The following CCNI variants were observed in gnomAD, a reference collection of about 807,000 sequenced individuals.
CCNI encodes cyclin-I.
Under a neutral mutation model 34.1 loss-of-function variants are expected in CCNI, and 14 were observed. The observed-to-expected ratio is 0.41, with a 90% CI of 0.27 to 0.64. The LOEUF (loss-of-function observed/expected upper bound fraction) is 0.64. Ranked by LOEUF, CCNI falls within the 30% of genes least tolerant of loss-of-function variation. The pLI is 0.31. For synonymous variants in CCNI, 154 were observed against 158.4 expected (o/e 0.97, Z 0.21); for missense variants, 385 against 440.5 (o/e 0.87, Z 1.13).
At chr4:77,050,325 C>A (rs1157305563) in intron 6 of CCNI, among the ~76,000 whole-genome samples, 2 of 152,050 alleles carry the variant, frequency 1.3e-5, no homozygotes, top group African/African-American at 4.8e-5. Context: ...CCTCATATAA[C>A]CTGCAGCACT....
rs561548463 is a variant in CCNI, at chr4:77,048,997, T to G, written c.691-335A>C. Among the ~76,000 whole-genome samples the G allele has an allele frequency of 5.8e-4, 78 of 134,388 alleles. 1 individual carries two copies. The highest frequency in any genetic ancestry group is 2.4e-3 in the African/African-American group (78 of 32,502). 88.2% of individuals were successfully genotyped at this position (134,388 alleles called of 152,430 possible). A position where few individuals can be genotyped will look rare whatever the true frequency, so the allele number is the denominator to read the frequency against. ...TTTTTTTTTTTTTTTTTCAGTCTAT[T>G]CCCCCTGTCTGGAAGGCCCTTCATC... On this transcript the variant is annotated intron_variant, in intron 6 of 6. Coordinates refer to ENST00000237654, the MANE Select transcript of CCNI (RefSeq NM_006835.3).
At chr4:77,066,702 C>CT (rs966410599) in intron 1 of CCNI, among the ~76,000 whole-genome samples, 2 of 152,162 alleles carry the variant, frequency 1.3e-5, no homozygotes, top group African/African-American at 2.4e-5. Context: ...TTGTCACTGG[C>CT]TTTTTTACCA....
At position 77,051,613 on chromosome 4, in the gene CCNI, T is replaced by G. The variant is rs1055562773; in HGVS notation, c.691-2951A>C. On this transcript the variant is annotated intron_variant, in intron 6 of 6. Coordinates refer to ENST00000237654, the MANE Select transcript of CCNI (RefSeq NM_006835.3). ...ACATCAAAATAAATTCCTTCTAATCTAGTACAATCTGAATTTGTTCTATAA... is the reference window on the plus strand; with the variant it reads ...ACATCAAAATAAATTCCTTCTAATCGAGTACAATCTGAATTTGTTCTATAA... Among the ~76,000 whole-genome samples, 69 of 152,282 alleles carry G rather than the reference T, an allele frequency of 4.5e-4. 1 individual carries two copies. The highest frequency in any genetic ancestry group is 1.6e-4 in the Non-Finnish European group (11 of 68,018).
At chr4:77,068,815 C>G (rs1241160912) in intron 1 of CCNI, among the ~76,000 whole-genome samples, 2 of 150,042 alleles carry the variant, frequency 1.3e-5, no homozygotes, top group African/African-American at 5.1e-5. Flanking sequence ...ATCCCAACTC[C>G]AGCTACTATC....
chr4:77,048,793 A>C, intron 6 of CCNI, 131 bp from the exon 7 acceptor site: 1 of 515,390 alleles, frequency 1.9e-6, no homozygotes, highest in Non-Finnish European at 3.3e-6. Context: ...CCCCACATCT[A>C]CCTCCAACTC....
At position 77,048,160 on chromosome 4, in the gene CCNI, T is replaced by G; in HGVS notation, c.*59A>C. 18 of 1,331,564 alleles carry G rather than the reference T, an allele frequency of 1.4e-5. No homozygotes were observed. The highest frequency in any genetic ancestry group is 1.9e-5 in the Non-Finnish European group (18 of 952,812). The allele number at this position is 1,331,564 out of a possible 1,614,324, so 82.5% of individuals were successfully genotyped here. A position where few individuals can be genotyped will look rare whatever the true frequency, so the allele number is the denominator to read the frequency against. On this transcript the variant is annotated 3_prime_UTR_variant, in exon 7 of 7. Transcript: ENST00000237654. ...TTCTACAGCCTTTCCTGATTTTGCATGTTCTCATTCCCAAAGTAGTCTACC... is the reference window on the plus strand; with the variant it reads ...TTCTACAGCCTTTCCTGATTTTGCAGGTTCTCATTCCCAAAGTAGTCTACC...
chr4:77,068,832 C>T lies in CCNI; in HGVS notation c.-43-2427G>A, dbSNP rs371038184. On this transcript the variant is annotated intron_variant, in intron 1 of 6. Coordinates refer to ENST00000237654, the MANE Select transcript of CCNI (RefSeq NM_006835.3). Reference sequence around the variant, plus strand: ...CCCAACTCCAGCTACTATCCTCCTTCCTATGTACCACTCCACATATGCTAC... The same window carrying T: ...CCCAACTCCAGCTACTATCCTCCTTTCTATGTACCACTCCACATATGCTAC... 2.0e-5 allele frequency among the ~76,000 whole-genome samples: 3 copies of T among 152,184 alleles called. No individual in the cohort carries two copies. The South Asian group carries it at 6.2e-4, about 31-fold the overall frequency.
intron 1 of CCNI, among the ~76,000 whole-genome samples, chr4:77,072,034 G>A (rs941688684): frequency 2.0e-5 from 3 of 152,016 alleles, no homozygotes; most frequent in African/African-American, 7.2e-5. Flanking sequence ...TTATTACCCT[G>A]CTACCAAAAC....
At chr4:77,074,507 C>T (rs1020937870) in intron 1 of CCNI, among the ~76,000 whole-genome samples, 1 of 152,204 alleles carries the variant, frequency 6.6e-6, no homozygotes, top group African/African-American at 2.4e-5. Context: ...AGACTTAATT[C>T]TGGCTACTGG....
At chr4:77,066,494 A>G in intron 1 of CCNI, 89 bp from the exon 2 acceptor site, 1 of 922,924 alleles carries the variant, frequency 1.1e-6, no homozygotes. Flanking sequence ...AAACAAAATA[A>G]GAATGCTATG....
At chr4:77,059,029 ATTAAC>A (rs1728424895) in intron 2 of CCNI, among the ~76,000 whole-genome samples, 1 of 152,172 alleles carries the variant, frequency 6.6e-6, no homozygotes, top group Non-Finnish European at 1.5e-5. Flanking sequence ...GCAAGTAGCC[ATTAAC>A]TTATCTTAGG....
intron 6 of CCNI, 32 bp downstream of exon 6, chr4:77,055,115 TAAA>T (rs1188694004): frequency 1.4e-6 from 2 of 1,432,180 alleles, no homozygotes; most frequent in East Asian, 4.6e-5. Context: ...TAGAAAAACT[TAAA>T]AAGAACACTA....
At chr4:77,075,404 G>C (rs1178711973) in intron 1 of CCNI, 68 bp downstream of exon 1, 2 of 653,450 alleles carry the variant, frequency 3.1e-6, no homozygotes, top group Non-Finnish European at 3.8e-6. Flanking sequence ...GGGGAGCAGC[G>C]GGGCCCCAGC....
At chr4:77,053,673 G>T (rs184144963) in intron 6 of CCNI, among the ~76,000 whole-genome samples, 158 of 152,278 alleles carry the variant, frequency 1.0e-3, no homozygotes, top group African/African-American at 3.7e-3. Flanking sequence ...GAATAAGTCA[G>T]AAGGCATTTA....
chr4:77,059,247 T>C (rs1258863042), intron 2 of CCNI, among the ~76,000 whole-genome samples: 4 of 152,084 alleles, frequency 2.6e-5, no homozygotes, highest in African/African-American at 9.7e-5. Flanking sequence ...TTATTGTTGT[T>C]GTAAGCCTAT....
intron 5 of CCNI, 112 bp from the exon 6 acceptor site, chr4:77,055,492 T>C: frequency 1.4e-6 from 1 of 722,698 alleles, no homozygotes. Context: ...AGACAGAGTC[T>C]CACTCTGTTG....
intron 1 of CCNI, among the ~76,000 whole-genome samples, chr4:77,068,100 C>A (rs555924299): frequency 4.6e-5 from 7 of 152,196 alleles, no homozygotes; most frequent in Non-Finnish European, 2.9e-5. Context: ...ATCGCTTTAA[C>A]CCAGGAGACA....
In CCNI at chr4:77,075,461, C is replaced by G; in HGVS notation, c.-44+11G>C. On this transcript the variant is annotated intron_variant, in intron 1 of 6. Transcript: ENST00000237654. ...ACGCGTCGAGCCCCCGCCCCCGCCC[C>G]CGCCCCTCACCTTCTCCTCCTCTTC... is the stretch of plus-strand genomic sequence containing the variant. 1.3e-6 allele frequency: 1 copy of G among 798,260 alleles called. No individual in the cohort carries two copies. The highest frequency in any genetic ancestry group is 1.5e-6 in the Non-Finnish European group (1 of 659,558). The allele number at this position is 798,260 out of a possible 1,614,324, so 49.4% of individuals were successfully genotyped here.
At chr4:77,068,290 T>G (rs527261096) in intron 1 of CCNI, among the ~76,000 whole-genome samples, 2 of 152,250 alleles carry the variant, frequency 1.3e-5, no homozygotes, top group African/African-American at 4.8e-5. Flanking sequence ...AAGAAAGTAA[T>G]GTATCACAAT....
Sources: gnomAD v4.1 joint callset for allele counts (sites outside exome capture counted in the v4.1 genomes callset) on GRCh38, gnomAD v4.1.1 for gene constraint, MANE v1.5 for transcripts, NCBI Gene and HGNC (gene_info 2026-07-23, HGNC 2026-07-21) for gene names.